Variants in TNR observed in about 807,000 individuals in gnomAD.
The protein encoded by TNR is tenascin-R.
A neutral mutation model predicts 150.4 loss-of-function variants in TNR; 45 were observed. That is an observed-to-expected ratio of 0.30 (90% CI 0.24 to 0.38). The LOEUF is 0.38. Ranked by LOEUF, TNR falls within the 10% of genes least tolerant of loss-of-function variation. The pLI, the probability that TNR is intolerant of heterozygous loss-of-function variation, is 1.00. For synonymous variants in TNR, 687 were observed against 678.4 expected, an observed-to-expected ratio of 1.01 and a Z score of -0.20; for missense variants, 1,544 against 1,759.1, an observed-to-expected ratio of 0.88 and a Z score of 2.19.
At position 175,516,824 on chromosome 1, in the gene TNR, A is replaced by AT. The variant is rs372283324; in HGVS notation, c.-64+11444dup. Among the ~76,000 whole-genome samples, 4 of 152,246 alleles carry AT rather than the reference A, an allele frequency of 2.6e-5. 1 individual carries two copies. The highest frequency in any genetic ancestry group is 9.6e-5 in the African/African-American group (4 of 41,530). On this transcript the variant is annotated intron_variant, in intron 2 of 22. Coordinates refer to ENST00000367674, the MANE Select transcript of TNR (RefSeq NM_003285.3). The stretch of plus-strand genomic sequence containing the variant: ...AAAAAATACATTTTATTTGTAGTGC[A>AT]TTTTTTAGTAATTATGCCTGTTTTC...
intron 2 of TNR, among the ~76,000 whole-genome samples, chr1:175,420,907 G>A (rs987632607): frequency 6.6e-6 from 1 of 152,072 alleles, no homozygotes; most frequent in Non-Finnish European, 1.5e-5. Context: ...AGGGAGATTG[G>A]AAAAATACAG....
At chr1:175,602,817 A>G (rs921335810) in intron 1 of TNR, among the ~76,000 whole-genome samples, 1 of 152,222 alleles carries the variant, frequency 6.6e-6, no homozygotes, top group African/African-American at 2.4e-5. Context: ...TTGCTTCATT[A>G]GCTTCCTAGA....
intron 2 of TNR, among the ~76,000 whole-genome samples, chr1:175,463,206 C>T (rs1656892811): frequency 6.6e-6 from 1 of 152,128 alleles, no homozygotes; most frequent in Admixed American, 6.5e-5. Context: ...CATAGGGCCT[C>T]ATTAGGTTCC....
chr1:175,657,282 G>A (rs975208012), intron 1 of TNR, among the ~76,000 whole-genome samples: 12 of 152,292 alleles, frequency 7.9e-5, no homozygotes, highest in Admixed American at 3.9e-4. Flanking sequence ...ACGTGCTGGC[G>A]AGGATGTGGA....
At chr1:175,408,999 G>T (rs575636531) in intron 2 of TNR, among the ~76,000 whole-genome samples, 1 of 152,198 alleles carries the variant, frequency 6.6e-6, no homozygotes, top group Non-Finnish European at 1.5e-5. Context: ...CTTGGGGATA[G>T]GTAGAGTGAC....
chr1:175,614,923 AAATACTGAGGAAG>A (rs1163331788), intron 1 of TNR, among the ~76,000 whole-genome samples: 4 of 152,292 alleles, frequency 2.6e-5, no homozygotes, highest in Non-Finnish European at 5.9e-5. Context: ...CAATGAGCAA[AAATACTGAGGAAG>A]AAAAAGCCGT....
intron 1 of TNR, among the ~76,000 whole-genome samples, chr1:175,686,473 C>T (rs139926414): frequency 6.6e-6 from 1 of 152,294 alleles, no homozygotes; most frequent in African/African-American, 2.4e-5. Context: ...CTTTTGCCTA[C>T]CATTAGGGAT....
intron 1 of TNR, among the ~76,000 whole-genome samples, chr1:175,717,570 A>G (rs1392454511): frequency 2.6e-5 from 4 of 152,226 alleles, no homozygotes. Context: ...GCGTGAATAT[A>G]TCTATATTTT....
intron 1 of TNR, among the ~76,000 whole-genome samples, chr1:175,718,486 G>C (rs1667215714): frequency 6.6e-6 from 1 of 152,232 alleles, no homozygotes. Context: ...CAAGGTCACA[G>C]GTAGGCAAAT....
At chr1:175,327,690 C>A (rs1394752125) in intron 21 of TNR, among the ~76,000 whole-genome samples, 3 of 152,202 alleles carry the variant, frequency 2.0e-5, no homozygotes, top group Non-Finnish European at 4.4e-5. Flanking sequence ...TCCTCCACAG[C>A]ATCTGCTCCT....
At chr1:175,350,739 C>T (rs1052102607) in intron 18 of TNR, among the ~76,000 whole-genome samples, 1 of 152,124 alleles carries the variant, frequency 6.6e-6, no homozygotes, top group African/African-American at 2.4e-5. Flanking sequence ...CTTTTCTTCT[C>T]TTTTTTAGTT....
chr1:175,636,787 T>G (rs1185899966), intron 1 of TNR, among the ~76,000 whole-genome samples: 1 of 152,174 alleles, frequency 6.6e-6, no homozygotes, highest in Non-Finnish European at 1.5e-5. Flanking sequence ...AAACTCATGT[T>G]TGGTGGTTGT....
chr1:175,459,940 G>A (rs1656741891), intron 2 of TNR, among the ~76,000 whole-genome samples: 1 of 152,144 alleles, frequency 6.6e-6, no homozygotes, highest in African/African-American at 2.4e-5. Context: ...GATAAATAAT[G>A]TATATAGAGT....
At chr1:175,510,486 G>C (rs1326032857) in intron 2 of TNR, among the ~76,000 whole-genome samples, 2 of 152,144 alleles carry the variant, frequency 1.3e-5, no homozygotes, top group Non-Finnish European at 2.9e-5. Context: ...TTCCTGGTGA[G>C]AGTCAGCACC....
chr1:175,459,816 T>C (rs182190603), intron 2 of TNR, among the ~76,000 whole-genome samples: 3 of 152,186 alleles, frequency 2.0e-5, no homozygotes, highest in Admixed American at 1.3e-4. Flanking sequence ...ACATGAGTAA[T>C]GCCCGGAAAG....
chr1:175,683,685 G>A (rs904972779), intron 1 of TNR, among the ~76,000 whole-genome samples: 5 of 152,196 alleles, frequency 3.3e-5, no homozygotes, highest in African/African-American at 4.8e-5. Flanking sequence ...TGCAGTGGGA[G>A]GGGGAGGGGA....
chr1:175,601,698 T>C (rs1663243043), intron 1 of TNR, among the ~76,000 whole-genome samples: 1 of 152,146 alleles, frequency 6.6e-6, no homozygotes. Flanking sequence ...AGTTAAGCAA[T>C]ACCTAGAGAG....
chr1:175,699,750 C>A (rs548502571), intron 1 of TNR, among the ~76,000 whole-genome samples: 1 of 152,200 alleles, frequency 6.6e-6, no homozygotes, highest in Admixed American at 6.5e-5. Flanking sequence ...GGCATAGAAA[C>A]TTTAGCAAAA....
In TNR at chr1:175,322,590, CA is replaced by C. The variant is rs1649116247; in HGVS notation, c.*766del. 6.6e-6 allele frequency: 1 copy of C among 152,240 alleles called. No individual in the cohort carries two copies. The allele number at this position is 152,240 out of a possible 1,614,324, so 9.4% of individuals were successfully genotyped here. On this transcript the variant is annotated 3_prime_UTR_variant, in exon 23 of 23. Transcript: ENST00000367674. Reference sequence around the variant, plus strand: ...GCCAGGAGTTTGTGACCAGCCTGGACAACACAGTGAGACCCCCATCTCTACA... The same window carrying C: ...GCCAGGAGTTTGTGACCAGCCTGGACACACAGTGAGACCCCCATCTCTACA...
Sources: gnomAD v4.1 joint callset for allele counts (sites outside exome capture counted in the v4.1 genomes callset) on GRCh38, gnomAD v4.1.1 for gene constraint, MANE v1.5 for transcripts, NCBI Gene and HGNC (gene_info 2026-07-23, HGNC 2026-07-21) for gene names.